Variants in SBF2 observed in about 807,000 individuals in gnomAD.
SBF2 encodes SET binding factor 2.
A neutral mutation model predicts 225.2 loss-of-function variants in SBF2; 112 were observed. That is an observed-to-expected ratio of 0.50 (90% CI 0.43 to 0.58). The LOEUF (loss-of-function observed/expected upper bound fraction) is 0.58. Among genes scored for constraint, SBF2 ranks in the 20% least tolerant of loss-of-function variants. SBF2 has a pLI of 0.00. For synonymous variants in SBF2, 763 were observed against 773.3 expected (o/e 0.99, Z 0.22); for missense variants, 1,996 against 2,206.2 (o/e 0.90, Z 1.91).
At chr11:9,941,225 G>C (rs1865231798) in intron 16 of SBF2, among the ~76,000 whole-genome samples, 1 of 152,164 alleles carries the variant, frequency 6.6e-6, no homozygotes, top group Admixed American at 6.5e-5. Flanking sequence ...TGAGGTGGGA[G>C]GATCACTTGA....
At chr11:9,975,763 T>C (rs902134967) in intron 13 of SBF2, among the ~76,000 whole-genome samples, 11 of 152,330 alleles carry the variant, frequency 7.2e-5, no homozygotes, top group African/African-American at 2.6e-4. Context: ...GTCGTTTATG[T>C]CTATGTCTTG....
chr11:9,942,891 A>AAGAG lies in SBF2; in HGVS notation c.1860+19062_1860+19065dup, dbSNP rs754405397. ...AGGAAGAAAGAAAGAAAAGAAAAGA[A>AAGAG]AGAGAGAGAGAGAAAGAAAGAAAGA... On this transcript the variant is annotated intron_variant, in intron 16 of 39. Coordinates refer to ENST00000256190, the MANE Select transcript of SBF2 (RefSeq NM_030962.4). Among the ~76,000 whole-genome samples, 189 of 65,498 alleles carry AAGAG rather than the reference A, an allele frequency of 2.9e-3. 1 individual carries two copies. Among genetic ancestry groups the AAGAG allele is most frequent in the African/African-American group, 8.1e-3 (181 of 22,462 alleles). The allele number at this position is 65,498 out of a possible 152,430, so 43.0% of individuals were successfully genotyped here. A position where few individuals can be genotyped will look rare whatever the true frequency, so the allele number is the denominator to read the frequency against.
intron 1 of SBF2, among the ~76,000 whole-genome samples, chr11:10,304,096 C>G (rs1464042842): frequency 1.3e-5 from 2 of 152,184 alleles, no homozygotes; most frequent in Non-Finnish European, 2.9e-5. Context: ...CCTCTCTGAG[C>G]TTGAATTTTC....
chr11:10,227,230 C>T (rs533804993), intron 1 of SBF2, among the ~76,000 whole-genome samples: 1 of 152,166 alleles, frequency 6.6e-6, no homozygotes, highest in South Asian at 2.1e-4. Flanking sequence ...AGACCTTTGT[C>T]AGATGAGTAG....
chr11:10,062,743 G>A (rs1170938931), intron 2 of SBF2, among the ~76,000 whole-genome samples: 1 of 152,180 alleles, frequency 6.6e-6, no homozygotes, highest in East Asian at 1.9e-4. Flanking sequence ...GTTGGTGGGA[G>A]TGTAAATTAG....
chr11:10,293,339 A>C (rs1964289990), intron 1 of SBF2, among the ~76,000 whole-genome samples: 1 of 152,268 alleles, frequency 6.6e-6, no homozygotes, highest in Non-Finnish European at 1.5e-5. Context: ...AACACATTAA[A>C]GTGAAACAAG....
At chr11:10,235,556 A>G (rs978858611) in intron 1 of SBF2, among the ~76,000 whole-genome samples, 1 of 151,984 alleles carries the variant, frequency 6.6e-6, no homozygotes, top group South Asian at 2.1e-4. Flanking sequence ...AAAAAACTCA[A>G]TTGAGAACCT....
intron 2 of SBF2, among the ~76,000 whole-genome samples, chr11:10,172,810 G>A (rs1266479183): frequency 6.6e-6 from 1 of 152,184 alleles, no homozygotes; most frequent in African/African-American, 2.4e-5. Context: ...GGGATTACAT[G>A]CATGTGCCAT....
chr11:9,913,161 G>A (rs2134194086), intron 16 of SBF2, among the ~76,000 whole-genome samples: 1 of 152,232 alleles, frequency 6.6e-6, no homozygotes, highest in South Asian at 2.1e-4. Flanking sequence ...GCATGTGCCT[G>A]TAGTCTCAGC....
intron 16 of SBF2, chr11:9,961,726 A>C (rs546449098): frequency 4.4e-6 from 2 of 451,822 alleles, no homozygotes; most frequent in Non-Finnish European, 7.9e-6. Flanking sequence ...ATATTACAGA[A>C]CTAGTAAAAT....
At chr11:10,255,914 C>G (rs1299770439) in intron 1 of SBF2, among the ~76,000 whole-genome samples, 2 of 152,172 alleles carry the variant, frequency 1.3e-5, no homozygotes, top group Admixed American at 1.3e-4. Context: ...TCATGTTTCC[C>G]TGGTCAACAG....
chr11:9,927,219 C>T (rs1043455427), intron 16 of SBF2, among the ~76,000 whole-genome samples: 2 of 152,176 alleles, frequency 1.3e-5, no homozygotes, highest in Non-Finnish European at 2.9e-5. Flanking sequence ...TACATTACAT[C>T]TACAAAATAA....
At chr11:9,812,895 A>G in intron 29 of SBF2, 187 bp from the exon 30 acceptor site, 1 of 640,792 alleles carries the variant, frequency 1.6e-6, no homozygotes, top group Non-Finnish European at 2.8e-6. Flanking sequence ...CATTCAGTAC[A>G]AGCTAGTGGT....
At chr11:10,097,409 T>C (rs1488661599) in intron 2 of SBF2, among the ~76,000 whole-genome samples, 1 of 152,190 alleles carries the variant, frequency 6.6e-6, no homozygotes, top group Non-Finnish European at 1.5e-5. Flanking sequence ...TGGTTCTAGA[T>C]TAAACAGGTA....
At chr11:10,096,664 C>T (rs1184684169) in intron 2 of SBF2, among the ~76,000 whole-genome samples, 1 of 152,110 alleles carries the variant, frequency 6.6e-6, no homozygotes, top group Non-Finnish European at 1.5e-5. Flanking sequence ...AAATCTCATA[C>T]AAGCGGTGTC....
At chr11:10,242,354 C>A (rs1193523604) in intron 1 of SBF2, among the ~76,000 whole-genome samples, 3 of 151,128 alleles carry the variant, frequency 2.0e-5, no homozygotes, top group Non-Finnish European at 1.5e-5. Context: ...GAGGAAAACA[C>A]CCATAGTAGG....
At chr11:9,782,505 T>C (rs1181146138) in intron 38 of SBF2, among the ~76,000 whole-genome samples, 1 of 152,230 alleles carries the variant, frequency 6.6e-6, no homozygotes, top group Non-Finnish European at 1.5e-5. Flanking sequence ...AGTGTGAATA[T>C]AATTTGTTAG....
intron 1 of SBF2, among the ~76,000 whole-genome samples, chr11:10,255,029 A>C (rs891195900): frequency 3.3e-5 from 5 of 151,888 alleles, no homozygotes; most frequent in Non-Finnish European, 7.4e-5. Flanking sequence ...TTATACATGG[A>C]ATCTTAAAAA....
At chr11:10,065,844 A>G (rs150640985) in intron 2 of SBF2, among the ~76,000 whole-genome samples, 68 of 152,238 alleles carry the variant, frequency 4.5e-4, no homozygotes, top group Admixed American at 2.2e-3. Context: ...GCTACTCAGG[A>G]GGCTGAGGCA....
Sources: allele counts gnomAD v4.1 joint callset (sites outside exome capture counted in the v4.1 genomes callset), GRCh38; gene constraint gnomAD v4.1.1; transcripts MANE v1.5; gene names NCBI Gene and HGNC (gene_info 2026-07-23, HGNC 2026-07-21).